The following CTNNA3 variants were observed in gnomAD, a reference collection of about 807,000 sequenced individuals.
CTNNA3 encodes the protein catenin alpha 3.
A neutral mutation model predicts 95.7 loss-of-function variants in CTNNA3; 76 were observed. That is an observed-to-expected ratio of 0.79 (90% CI 0.66 to 0.96). CTNNA3 has a LOEUF of 0.96. Ranked by LOEUF, CTNNA3 falls within the 40% of genes least tolerant of loss-of-function variation. CTNNA3 has a pLI of 0.00. For synonymous variants in CTNNA3, 431 were observed against 374.4 expected (o/e 1.15, Z -1.74); for missense variants, 1,191 against 1,089.8 (o/e 1.09, Z -1.31).
intron 5 of CTNNA3, among the ~76,000 whole-genome samples, chr10:67,438,485 G>A (rs907000486): frequency 3.3e-5 from 5 of 152,158 alleles, no homozygotes; most frequent in Non-Finnish European, 5.9e-5. Flanking sequence ...GGAGGAGCAA[G>A]ATGGCCAAAT....
intron 4 of CTNNA3, among the ~76,000 whole-genome samples, chr10:67,529,565 C>T (rs1336020212): frequency 6.6e-6 from 1 of 151,086 alleles, no homozygotes; most frequent in Non-Finnish European, 1.5e-5. Context: ...ATGGGTGCAG[C>T]ACACCAGCAT....
chr10:66,951,904 T>C (rs1448600990), intron 7 of CTNNA3, among the ~76,000 whole-genome samples: 1 of 152,158 alleles, frequency 6.6e-6, no homozygotes, highest in Non-Finnish European at 1.5e-5. Context: ...AGCCCTAAAA[T>C]AACAGTGAAC....
intron 17 of CTNNA3, among the ~76,000 whole-genome samples, chr10:65,955,264 C>A (rs927983712): frequency 6.6e-6 from 1 of 152,130 alleles, no homozygotes; most frequent in African/African-American, 2.4e-5. Flanking sequence ...CTGAAGTTGC[C>A]TATCAGCTTA....
intron 11 of CTNNA3, among the ~76,000 whole-genome samples, chr10:66,423,468 C>T (rs1041553757): frequency 1.3e-5 from 2 of 152,122 alleles, no homozygotes; most frequent in African/African-American, 4.8e-5. Context: ...GATCAAAAAC[C>T]ACCTAAATCC....
chr10:66,098,927 CCA>C (rs1332489066), intron 14 of CTNNA3: 1 of 152,192 alleles, frequency 6.6e-6, no homozygotes, highest in Non-Finnish European at 1.5e-5. Context: ...TTCTCATTGA[CCA>C]CAGACTCTAA....
chr10:67,069,055 A>T (rs542379174), intron 7 of CTNNA3, among the ~76,000 whole-genome samples: 44 of 131,902 alleles, frequency 3.3e-4, no homozygotes, highest in East Asian at 8.0e-4. Flanking sequence ...CAGGAAAAAA[A>T]ATATATATAT....
At chr10:66,360,903 CTCTCTCTCTCTCTTTCTTCCTTTCTG>C (rs1415581325) in intron 12 of CTNNA3, among the ~76,000 whole-genome samples, 4 of 117,542 alleles carry the variant, frequency 3.4e-5, no homozygotes, top group African/African-American at 1.3e-4. Flanking sequence ...ATTTCTTTCT[CTCTCTCTCTCTCTTTCTTCCTTTCTG>C]TCTCTCTCTC....
intron 13 of CTNNA3, among the ~76,000 whole-genome samples, chr10:66,216,307 CA>C (rs1162450683): frequency 6.6e-6 from 1 of 152,222 alleles, no homozygotes; most frequent in African/African-American, 2.4e-5. Flanking sequence ...TCAAGATCAA[CA>C]GTACTGTGGT....
chr10:67,581,797 T>C (rs1213449330), intron 3 of CTNNA3, among the ~76,000 whole-genome samples: 1 of 152,210 alleles, frequency 6.6e-6, no homozygotes, highest in Non-Finnish European at 1.5e-5. Flanking sequence ...GGAAGGTGTA[T>C]GTGTCCAGGA....
chr10:66,845,763 A>G (rs979772188), intron 7 of CTNNA3, among the ~76,000 whole-genome samples: 114 of 145,808 alleles, frequency 7.8e-4, no homozygotes, highest in Non-Finnish European at 1.5e-3. Context: ...ATACACACAC[A>G]CACACACACA....
rs200868329 is a variant in CTNNA3 at position 66,162,054 on chromosome 10, AT to A, written c.1885-58806del. 9.7e-3 allele frequency among the ~76,000 whole-genome samples: 1,432 copies of A among 147,712 alleles called. 17 individuals are homozygous for A. The highest frequency in any genetic ancestry group is 0.016 in the Non-Finnish European group (1,038 of 66,562). On this transcript the variant is annotated intron_variant, in intron 13 of 17. Coordinates refer to ENST00000433211, the MANE Select transcript of CTNNA3 (RefSeq NM_013266.4). ...GTGTCTAAAGTTTCCTGAATTTTTT[AT>A]TTTTTTTTTCTTTAAGCTATCTATT...
intron 15 of CTNNA3, among the ~76,000 whole-genome samples, chr10:66,029,602 T>C (rs2079411081): frequency 2.0e-5 from 3 of 152,196 alleles, no homozygotes; most frequent in Admixed American, 2.0e-4. Context: ...CTGCTTTATG[T>C]TTTCATTTCC....
chr10:66,083,900 C>T (rs1313407856), intron 14 of CTNNA3, among the ~76,000 whole-genome samples: 1 of 151,948 alleles, frequency 6.6e-6, no homozygotes, highest in African/African-American at 2.4e-5. Context: ...CTTTGGGAGG[C>T]CGAGGCAGGT....
chr10:67,616,816 T>G (rs556963217), intron 2 of CTNNA3, among the ~76,000 whole-genome samples: 196 of 152,352 alleles, frequency 1.3e-3, no homozygotes, highest in African/African-American at 4.5e-3. Flanking sequence ...TAGGTTACTT[T>G]TTCAATTTAA....
At chr10:65,921,584 G>GC (rs2077086688) in intron 17 of CTNNA3, among the ~76,000 whole-genome samples, 1 of 152,194 alleles carries the variant, frequency 6.6e-6, no homozygotes, top group Admixed American at 6.5e-5. Context: ...AGGATTCTAA[G>GC]CCTACGTGAA....
chr10:66,239,394 C>T (rs1429353675), intron 13 of CTNNA3, among the ~76,000 whole-genome samples: 1 of 151,904 alleles, frequency 6.6e-6, no homozygotes, highest in Non-Finnish European at 1.5e-5. Flanking sequence ...GCTCCCCAGT[C>T]TGGGGTATAT....
At chr10:66,422,834 T>C (rs1006930541) in intron 11 of CTNNA3, among the ~76,000 whole-genome samples, 2 of 151,456 alleles carry the variant, frequency 1.3e-5, no homozygotes, top group African/African-American at 4.9e-5. Flanking sequence ...TTCGCCATGT[T>C]GGTCAGGCTG....
intron 9 of CTNNA3, among the ~76,000 whole-genome samples, chr10:66,646,822 C>G (rs1023748015): frequency 2.0e-5 from 3 of 152,214 alleles, no homozygotes; most frequent in East Asian, 3.9e-4. Flanking sequence ...AATCTAAAAG[C>G]ATTTGTGACT....
At chr10:67,694,532 C>T (rs79177210) in intron 1 of CTNNA3, among the ~76,000 whole-genome samples, 3,938 of 152,084 alleles carry the variant, frequency 0.026, 174 homozygotes, top group African/African-American at 0.09. Flanking sequence ...TACATATACA[C>T]ATAAGTAAAT....
Sources: gnomAD v4.1 joint callset for allele counts (sites outside exome capture counted in the v4.1 genomes callset) on GRCh38, gnomAD v4.1.1 for gene constraint, MANE v1.5 for transcripts, NCBI Gene and HGNC (gene_info 2026-07-23, HGNC 2026-07-21) for gene names.